Variants in COPE observed in about 807,000 individuals in gnomAD.
COPE encodes coatomer subunit epsilon.
Under a neutral mutation model 42.1 loss-of-function variants are expected in COPE, and 19 were observed. That is an observed-to-expected ratio of 0.45 (90% CI 0.31 to 0.66). COPE has a LOEUF of 0.66. Among genes scored for constraint, COPE ranks in the 30% least tolerant of loss-of-function variants. The pLI, the probability that COPE is intolerant of heterozygous loss-of-function variation, is 0.05. For missense variants in COPE, 402 were observed against 416.1 expected (o/e 0.97, Z 0.30); for synonymous variants, 195 against 181.3 (o/e 1.08, Z -0.60).
intron 1 of COPE, among the ~76,000 whole-genome samples, chr19:18,918,970 T>A (rs2056885165): frequency 6.6e-6 from 1 of 152,218 alleles, no homozygotes; most frequent in Non-Finnish European, 1.5e-5. Flanking sequence ...TACAGTGGCA[T>A]AAACACCTCC....
chr19:18,910,964 G>A lies in COPE; in HGVS notation c.290+7C>T. 6.2e-7 allele frequency: 1 copy of A among 1,613,212 alleles called. No individual in the cohort carries two copies. The highest frequency in any genetic ancestry group is 1.3e-5 in the African/African-American group (1 of 75,046). On this transcript the variant is annotated splice_region_variant and intron_variant, in intron 3 of 9. Coordinates refer to ENST00000262812, the MANE Select transcript of COPE (RefSeq NM_007263.4). ...GCCTCAGGCCAACCCATTCTCTGGGGCCTCACCTCCGACTCTCGTGGGCGA... is the reference window on the plus strand; with the variant it reads ...GCCTCAGGCCAACCCATTCTCTGGGACCTCACCTCCGACTCTCGTGGGCGA...
chr19:18,917,420 A>AT (rs1304508556), intron 1 of COPE, among the ~76,000 whole-genome samples: 4 of 151,674 alleles, frequency 2.6e-5, no homozygotes, highest in Admixed American at 2.6e-4. Flanking sequence ...CCAGGCTTGA[A>AT]TGCAATGGCT....
chr19:18,910,101 C>G (rs1182045913), intron 3 of COPE, among the ~76,000 whole-genome samples: 1 of 152,182 alleles, frequency 6.6e-6, no homozygotes, highest in African/African-American at 2.4e-5. Context: ...AGAGCAGGAT[C>G]ACAGCAGTCT....
At chr19:18,917,726 C>G (rs1004228262) in intron 1 of COPE, among the ~76,000 whole-genome samples, 2 of 152,064 alleles carry the variant, frequency 1.3e-5, no homozygotes, top group Non-Finnish European at 2.9e-5. Flanking sequence ...AAAGACAGCT[C>G]GGACAGAGAG....
Position 18,905,475 on chromosome 19 carries a change from A to G in COPE, c.497+101T>C, listed in dbSNP as rs112099592. On this transcript the variant is annotated intron_variant, in intron 5 of 9. Transcript: ENST00000262812. ...ACCCCCATGGAAAGGAAAGACAACAAGAGTAATGACAGCACCACAGACGCT... is the reference window on the plus strand; with the variant it reads ...ACCCCCATGGAAAGGAAAGACAACAGGAGTAATGACAGCACCACAGACGCT... 7.7e-4 allele frequency: 932 copies of G among 1,205,812 alleles called. 4 individuals carry two copies. The African/African-American group carries it at 0.013, about 17-fold the overall frequency. 74.7% of individuals were successfully genotyped at this position (1,205,812 alleles called of 1,614,324 possible). A position where few individuals can be genotyped will look rare whatever the true frequency, so the allele number is the denominator to read the frequency against.
At chr19:18,903,720 C>G (rs1298049901) in intron 6 of COPE, among the ~76,000 whole-genome samples, 1 of 152,206 alleles carries the variant, frequency 6.6e-6, no homozygotes, top group Non-Finnish European at 1.5e-5. Context: ...GGCTCAGGGT[C>G]TGAGTGGGGA....
chr19:18,900,599 T>C (rs1031386829), intron 7 of COPE, 150 bp from the exon 8 acceptor site: 1 of 604,218 alleles, frequency 1.7e-6, no homozygotes, highest in Non-Finnish European at 3.0e-6. Context: ...AAGGTGGAGA[T>C]CTCAGATGAT....
intron 1 of COPE, among the ~76,000 whole-genome samples, chr19:18,917,641 G>C (rs1287770283): frequency 6.6e-6 from 1 of 151,980 alleles, no homozygotes; most frequent in Non-Finnish European, 1.5e-5. Context: ...GGAATTACAG[G>C]TGTGAACCAC....
chr19:18,901,949 G>C (rs1274095002), intron 7 of COPE, among the ~76,000 whole-genome samples: 1 of 152,092 alleles, frequency 6.6e-6, no homozygotes, highest in Non-Finnish European at 1.5e-5. Context: ...GGAGTCCAAG[G>C]TGGGCAGCAT....
At chr19:18,903,880 T>C (rs533269715) in intron 6 of COPE, among the ~76,000 whole-genome samples, 21 of 152,316 alleles carry the variant, frequency 1.4e-4, no homozygotes, top group Non-Finnish European at 2.6e-4. Flanking sequence ...ACCCGATAGG[T>C]CTGCCGGGGC....
At chr19:18,906,345 A>C (rs1208624181) in intron 4 of COPE, 1 of 178,686 alleles carries the variant, frequency 5.6e-6, no homozygotes, top group African/African-American at 2.3e-5. Flanking sequence ...GCATGTCACC[A>C]TGCCTGGCTC....
chr19:18,906,986 C>A lies in COPE; in HGVS notation c.417G>T (p.Ala139=). ...HDQNPDAALR[A]LHQGDSLECT... ...ACTCCAGGCTGTCCCCCTGGTGCAG[C>A]GCACGCAGGGCGGCATCCGGGTTCT... is the stretch of plus-strand genomic sequence containing the variant. Residue 139 remains alanine (A), a synonymous_variant, in exon 4 of 10, where the codon GCG becomes GCT. Transcript: ENST00000262812. The A allele has an allele frequency of 6.4e-7, 1 of 1,571,828 alleles. No homozygotes were observed. The highest frequency in any genetic ancestry group is 1.7e-4 in the Middle Eastern group (1 of 5,948).
intron 7 of COPE, among the ~76,000 whole-genome samples, chr19:18,902,438 G>A (rs891796000): frequency 3.3e-5 from 5 of 150,746 alleles, no homozygotes; most frequent in Non-Finnish European, 7.4e-5. Context: ...GCTGAGGCGG[G>A]TGGATCACCT....
rs973759610 is a variant in COPE, at chr19:18,899,693, C to T, written c.913G>A (p.Ala305Thr). 15 of 1,613,416 alleles carry T rather than the reference C, an allele frequency of 9.3e-6. No individual in the cohort carries two copies. Among genetic ancestry groups the T allele is most frequent in the African/African-American group, 2.7e-5 (2 of 74,916 alleles). The change falls in exon 10 of 10, where the codon GCT becomes ACT. Residue 305 changes from alanine to threonine, a missense_variant. Ala to Thr is a moderately conservative substitution (Grantham distance 58, BLOSUM62 0). Transcript: ENST00000262812. The stretch of plus-strand genomic sequence containing the variant: ...CTGGGCCAGCCTCAGGCGCTGGGAG[C>T]GTACTGTAGCACCAGCCTGTCAAAG... ...NDFDRLVLQY[A>T]PSA
Position 18,899,936 on chromosome 19 carries a change from T to C in COPE, c.816A>G (p.Arg272=), listed in dbSNP as rs757156199. ...GGGCATCCTTCAGCTGGGACAGGTA[T>C]CGGTTTGTCACCTGCAGGGGAGGCA... ...HLGKPPEVTN[R]YLSQLKDAHR... is the part of the protein sequence containing the mutation. Residue 272 remains arginine, a synonymous_variant, in exon 9 of 10, where the codon CGA becomes CGG. Transcript: ENST00000262812. The C allele has an allele frequency of 1.9e-6, 3 of 1,613,204 alleles. No homozygotes were observed. The highest frequency in any genetic ancestry group is 2.5e-6 in the Non-Finnish European group (3 of 1,179,676).
Position 18,899,531 on chromosome 19 carries a change from G to A in COPE, c.*148C>T. The stretch of plus-strand genomic sequence containing the variant: ...GCACATCATCAGGTGGAACACCCTG[G>A]AGTTGAGATATTTATTAACAGATGG... On this transcript the variant is annotated 3_prime_UTR_variant, in exon 10 of 10. Transcript: ENST00000262812. The A allele has an allele frequency of 1.4e-6, 1 of 722,092 alleles. No individual in the cohort carries two copies. The highest frequency in any genetic ancestry group is 1.8e-5 in the African/African-American group (1 of 56,950). The allele number at this position is 722,092 out of a possible 1,614,324, so 44.7% of individuals were successfully genotyped here.
At chr19:18,905,521 CTGTGACGCTCT>C in intron 5 of COPE, 44 bp downstream of exon 5, 2 of 1,520,482 alleles carry the variant, frequency 1.3e-6, no homozygotes, top group Non-Finnish European at 1.8e-6. Context: ...ACGCTCTGGG[CTGTGACGCTCT>C]GGGCTGTGGC....
chr19:18,899,707 A>G lies in COPE; in HGVS notation c.899T>C (p.Leu300Pro). ...GGCGCTGGGAGCGTACTGTAGCACC[A>G]GCCTGTCAAAGTCGTTCTCCTTTAG... ...YQAKENDFDR[L>P]VLQYAPSA Residue 300 changes from leucine (L) to proline (P), a missense_variant, in exon 10 of 10, where the codon CTG becomes CCG. Coordinates refer to ENST00000262812, the MANE Select transcript of COPE (RefSeq NM_007263.4). The G allele has an allele frequency of 1.9e-6, 3 of 1,613,738 alleles. No homozygotes were observed. The highest frequency in any genetic ancestry group is 2.5e-6 in the Non-Finnish European group (3 of 1,179,984).
chr19:18,912,968 C>A lies in COPE; in HGVS notation c.189+16G>T. The A allele has an allele frequency of 6.2e-7, 1 of 1,611,164 alleles. No homozygotes were observed. Among genetic ancestry groups the A allele is most frequent in the Non-Finnish European group, 8.5e-7 (1 of 1,179,718 alleles). On this transcript the variant is annotated intron_variant, in intron 2 of 9. Coordinates refer to ENST00000262812, the MANE Select transcript of COPE (RefSeq NM_007263.4). ...TCTGTTCATCACTCTTGCCCCCGGC[C>A]AAGGCCCGCACTCACCTGCGCCAGG...
Sources: gnomAD v4.1 joint callset for allele counts (sites outside exome capture counted in the v4.1 genomes callset) on GRCh38, gnomAD v4.1.1 for gene constraint, MANE v1.5 for transcripts, NCBI Gene and HGNC (gene_info 2026-07-23, HGNC 2026-07-21) for gene names.